The following CCDC136 variants were observed in gnomAD, a reference collection of about 807,000 sequenced individuals.
CCDC136 encodes the protein coiled-coil domain-containing protein 136.
Under a neutral mutation model 141.2 loss-of-function variants are expected in CCDC136, and 100 were observed. The ratio of observed to expected loss-of-function variants is 0.71; its 90% confidence interval spans 0.60 to 0.84. The LOEUF (loss-of-function observed/expected upper bound fraction) is 0.84. Among genes scored for constraint, CCDC136 ranks in the 40% least tolerant of loss-of-function variants. The probability of loss-of-function intolerance (pLI) is 0.00; values close to 1 mark genes in which losing one functional copy is unlikely to be tolerated. For missense variants in CCDC136, 1,206 were observed against 1,379.4 expected, an observed-to-expected ratio of 0.87 and a Z score of 1.99; for synonymous variants, 474 against 531.9, an observed-to-expected ratio of 0.89 and a Z score of 1.50.
upstream of CCDC136, chr7:128,791,433 TC>T: frequency 1.1e-5 from 14 of 1,224,202 alleles, no homozygotes; most frequent in South Asian, 1.0e-4. This position sits in a 1 kb window ranked among gnomAD's most constrained non-coding sequence, Gnocchi z 7.1. Flanking sequence ...CCGGCTCGGG[TC>T]CCCGGGCTCG....
chr7:128,818,039 C>G, intron 17 of CCDC136, 175 bp downstream of exon 17: 1 of 592,996 alleles, frequency 1.7e-6, no homozygotes, highest in South Asian at 2.0e-5. Flanking sequence ...TGCAAAGCCT[C>G]TGACATCTCT....
chr7:128,814,674 C>G lies in CCDC136; in HGVS notation c.2800C>G (p.Leu934Val). The G allele has an allele frequency of 6.3e-7, 1 of 1,598,150 alleles. No individual in the cohort carries two copies. Among genetic ancestry groups the G allele is most frequent in the South Asian group, 1.1e-5 (1 of 89,242 alleles). ...GCAGACCAAGCTGCGGGAGCTGCAG[C>G]TGCAATACCAGGCTAGCATGGATGA... The part of the protein sequence containing the change: ...ELQTKLRELQ[L>V]QYQASMDEQG... The change falls in exon 15 of 18, where the codon CTG becomes GTG. Residue 934 changes from leucine to valine, a missense_variant. Coordinates refer to ENST00000297788, the MANE Select transcript of CCDC136 (RefSeq NM_022742.5).
intron 13 of CCDC136, among the ~76,000 whole-genome samples, 183 bp from the exon 14 acceptor site, chr7:128,812,525 T>G (rs2128919534): frequency 6.6e-6 from 1 of 152,064 alleles, no homozygotes; most frequent in South Asian, 2.1e-4. Flanking sequence ...CAGAGGCCCA[T>G]AAGATTCAGT....
intron 3 of CCDC136, among the ~76,000 whole-genome samples, chr7:128,798,755 G>A (rs965535302): frequency 2.0e-5 from 3 of 152,056 alleles, no homozygotes; most frequent in African/African-American, 7.2e-5. Context: ...GGGGTAGAGC[G>A]GACTTTTCTT....
At chr7:128,811,711 G>A (rs1805744064) in intron 12 of CCDC136, 89 bp from the exon 13 acceptor site, 1 of 1,229,110 alleles carries the variant, frequency 8.1e-7, no homozygotes, top group South Asian at 1.5e-5. Context: ...TCTCTAAGGT[G>A]TGCTCTCAGA....
intron 9 of CCDC136, among the ~76,000 whole-genome samples, 159 bp downstream of exon 9, chr7:128,807,017 G>C (rs909103697): frequency 6.6e-6 from 1 of 152,122 alleles, no homozygotes; most frequent in Non-Finnish European, 1.5e-5. Context: ...GAGTCACAAG[G>C]CTCTCAGCTT....
At position 128,792,380 on chromosome 7, in the gene CCDC136, G is replaced by A. The variant is rs758550245; in HGVS notation, c.-32G>A. 3 of 1,611,372 alleles carry A rather than the reference G, an allele frequency of 1.9e-6. No homozygotes were observed. Among genetic ancestry groups the A allele is most frequent in the Non-Finnish European group, 2.5e-6 (3 of 1,178,650 alleles). On this transcript the variant is annotated 5_prime_UTR_variant, in exon 1 of 18. Transcript: ENST00000297788. ...TCCGAGGGCTGTGAGAGGAAGAAGG[G>A]CCAACGCTGGGGGTCCCTGGAACGA...
intron 3 of CCDC136, among the ~76,000 whole-genome samples, chr7:128,796,739 A>ATATATATATATTTT: frequency 8.8e-6 from 1 of 113,374 alleles, no homozygotes; most frequent in African/African-American, 4.6e-5. Flanking sequence ...ATATATATAT[A>ATATATATATATTTT]TTCTTTTTTT....
intron 4 of CCDC136, among the ~76,000 whole-genome samples, chr7:128,804,367 A>G (rs1279106714): frequency 6.6e-6 from 1 of 152,232 alleles, no homozygotes; most frequent in East Asian, 1.9e-4. Flanking sequence ...AAAATTGCTA[A>G]AAGTTCAAGA....
In CCDC136 at chr7:128,821,976, C is replaced by T. The variant is rs985924597; in HGVS notation, c.*183C>T. 7.9e-5 allele frequency: 101 copies of T among 1,284,970 alleles called. 1 individual carries two copies. The highest frequency in any genetic ancestry group is 2.9e-4 in the South Asian group (23 of 80,562). 79.6% of individuals were successfully genotyped at this position (1,284,970 alleles called of 1,614,324 possible). ...ACCACCCTCAGCTTTGGGCAGGACA[C>T]ACTGTGCCAGAACCCTCCCCATATG... On this transcript the variant is annotated 3_prime_UTR_variant, in exon 18 of 18. Coordinates refer to ENST00000297788, the MANE Select transcript of CCDC136 (RefSeq NM_022742.5). The surrounding 1 kb of genome is among the most constrained non-coding windows in gnomAD (Gnocchi z 5.1).
intron 3 of CCDC136, among the ~76,000 whole-genome samples, chr7:128,797,987 G>A (rs1282127969): frequency 2.7e-5 from 4 of 150,282 alleles, no homozygotes; most frequent in Admixed American, 1.3e-4. Flanking sequence ...GCGTGATCTC[G>A]GCTCACTGCA....
intron 14 of CCDC136, among the ~76,000 whole-genome samples, chr7:128,813,304 A>G (rs1226122031): frequency 3.3e-5 from 5 of 152,194 alleles, no homozygotes; most frequent in African/African-American, 1.2e-4. Context: ...CAAGCAGCTC[A>G]AGGACAGGGA....
chr7:128,805,451 C>T lies in CCDC136; in HGVS notation c.875C>T (p.Pro292Leu). The change falls in exon 6 of 18, where the codon CCT becomes CTT. Residue 292 changes from proline (P) to leucine (L), a missense_variant. Transcript: ENST00000297788. The surrounding 1 kb of genome is among the most constrained non-coding windows in gnomAD (Gnocchi z 4.6). The stretch of plus-strand genomic sequence containing the variant: ...ACTTCAGAAATGGATTTCTTAGAGC[C>T]TGATCCTGAAATGCAGTTGTTACGG... The part of the protein sequence containing the change: ...SQTSEMDFLE[P>L]DPEMQLLRQQ... The T allele has an allele frequency of 6.2e-7, 1 of 1,613,974 alleles. No homozygotes were observed. The highest frequency in any genetic ancestry group is 8.5e-7 in the Non-Finnish European group (1 of 1,179,876).
rs1380715512 is a variant in CCDC136, at chr7:128,806,871, C to T, written c.1419+13C>T. 8 of 1,588,376 alleles carry T rather than the reference C, an allele frequency of 5.0e-6. No individual in the cohort carries two copies. The African/African-American group carries it at 6.8e-5, about 13-fold the overall frequency. Reference sequence around the variant, plus strand: ...GAGCAATGAGAAGGTAAAAGAAGCTCCTGGTGAGGGAGGATGTAGCCAGGC... The same window carrying T: ...GAGCAATGAGAAGGTAAAAGAAGCTTCTGGTGAGGGAGGATGTAGCCAGGC... On this transcript the variant is annotated intron_variant, in intron 9 of 17. Transcript: ENST00000297788.
In CCDC136 at chr7:128,806,224, C is replaced by G. The variant is rs1483119342; in HGVS notation, c.1090-13C>G. 3.2e-6 allele frequency: 5 copies of G among 1,544,640 alleles called. No individual in the cohort carries two copies. In the Admixed American group the frequency reaches 9.9e-5, roughly 30 times the overall value. On this transcript the variant is annotated splice_polypyrimidine_tract_variant and intron_variant, in intron 7 of 17. Coordinates refer to ENST00000297788, the MANE Select transcript of CCDC136 (RefSeq NM_022742.5). The stretch of plus-strand genomic sequence containing the variant: ...TGAGAGTAACTGTTCTACTCACATC[C>G]TCCCTACCACAGAATGAGGAGCTGA...
At position 128,821,849 on chromosome 7, in the gene CCDC136, G is replaced by A; in HGVS notation, c.*56G>A. ...TGGTATTCTTGGCTATTGCAGCTGT[G>A]GCTCTGTATGTGTTACCCAACATGC... On this transcript the variant is annotated 3_prime_UTR_variant, in exon 18 of 18. Coordinates refer to ENST00000297788, the MANE Select transcript of CCDC136 (RefSeq NM_022742.5). The surrounding 1 kb of genome is among the most constrained non-coding windows in gnomAD (Gnocchi z 5.1). The A allele has an allele frequency of 7.8e-7, 1 of 1,290,280 alleles. No homozygotes were observed. Among genetic ancestry groups the A allele is most frequent in the Non-Finnish European group, 1.0e-6 (1 of 988,990 alleles). The allele number at this position is 1,290,280 out of a possible 1,614,324, so 79.9% of individuals were successfully genotyped here. A position where few individuals can be genotyped will look rare whatever the true frequency, so the allele number is the denominator to read the frequency against.
chr7:128,812,708 C>A lies in CCDC136; in HGVS notation c.2542C>A (p.Arg848Ser), dbSNP rs759628289. 24 of 1,611,240 alleles carry A rather than the reference C, an allele frequency of 1.5e-5. No homozygotes were observed. The highest frequency in any genetic ancestry group is 2.0e-5 in the Non-Finnish European group (24 of 1,179,102). The change falls in exon 14 of 18, where the codon CGC becomes AGC. Residue 848 changes from arginine to serine, a missense_variant and splice_region_variant. Transcript: ENST00000297788. ...ATTGTTGCTCCCCCACCCCCCGCAG[C>A]GCTTTGAGGAAATGGTTGTGAAAGT... ...EEPAEPEDME[R>S]FEEMVVKVLI...
At chr7:128,796,129 C>G (rs1802908617) in intron 3 of CCDC136, among the ~76,000 whole-genome samples, 2 of 152,130 alleles carry the variant, frequency 1.3e-5, no homozygotes, top group African/African-American at 4.8e-5. Context: ...GCATGCGCCA[C>G]CACACCTGGC....
At chr7:128,818,935 T>C (rs1399423083) in intron 17 of CCDC136, among the ~76,000 whole-genome samples, 1 of 152,226 alleles carries the variant, frequency 6.6e-6, no homozygotes, top group Non-Finnish European at 1.5e-5. Flanking sequence ...GGGTGGCAAC[T>C]GGAGGATTTG....
Sources: allele counts gnomAD v4.1 joint callset (sites outside exome capture counted in the v4.1 genomes callset), GRCh38; gene constraint gnomAD v4.1.1; non-coding constraint Gnocchi (gnomAD v3.1); transcripts MANE v1.5; gene names NCBI Gene and HGNC (gene_info 2026-07-23, HGNC 2026-07-21).